LRMDA: variants seen among roughly 807,000 people sequenced by gnomAD.
The protein encoded by LRMDA is leucine rich melanocyte differentiation associated.
Under a neutral mutation model 29.8 loss-of-function variants are expected in LRMDA, and 18 were observed. The observed-to-expected ratio is 0.60, with a 90% CI of 0.42 to 0.90. LRMDA has a LOEUF of 0.90. Among genes scored for constraint, LRMDA ranks in the 40% least tolerant of loss-of-function variants. The probability of loss-of-function intolerance (pLI) is 0.00; values close to 1 mark genes in which losing one functional copy is unlikely to be tolerated. For missense variants in LRMDA, 273 were observed against 273.9 expected, an observed-to-expected ratio of 1.00 and a Z score of 0.02; for synonymous variants, 125 against 109.4, an observed-to-expected ratio of 1.14 and a Z score of -0.89.
intron 2 of LRMDA, among the ~76,000 whole-genome samples, chr10:75,692,215 AAAAAAT>A (rs1180399986): frequency 2.0e-3 from 88 of 43,940 alleles, no homozygotes; most frequent in East Asian, 5.0e-3. Flanking sequence ...GGGGAAAAAA[AAAAAAT>A]ATATATATAT....
rs929285892 is a variant in LRMDA at position 75,628,159 on chromosome 10, C to A, written c.131+189665C>A. ...TGCTGTTATAGATTTTCTTATGTATCTTTCCAATCTTTTTTCTGTGTATTT... is the reference window on the plus strand; with the variant it reads ...TGCTGTTATAGATTTTCTTATGTATATTTCCAATCTTTTTTCTGTGTATTT... On this transcript the variant is annotated intron_variant, in intron 2 of 6. Coordinates refer to ENST00000611255, the MANE Select transcript of LRMDA (RefSeq NM_001305581.2). Among the ~76,000 whole-genome samples, 64 of 152,304 alleles carry A rather than the reference C, an allele frequency of 4.2e-4. 1 individual carries two copies. The highest frequency in any genetic ancestry group is 1.3e-3 in the African/African-American group (56 of 41,562).
chr10:76,465,338 C>T (rs572998180), intron 6 of LRMDA, among the ~76,000 whole-genome samples: 3 of 152,206 alleles, frequency 2.0e-5, no homozygotes, highest in African/African-American at 7.2e-5. Flanking sequence ...ATTGTAAGAC[C>T]TGTGTGTGTC....
rs183778126 is a variant in LRMDA at position 75,535,441 on chromosome 10, G to T, written c.131+96947G>T. 3.7e-3 allele frequency among the ~76,000 whole-genome samples: 558 copies of T among 152,192 alleles called. 6 individuals carry two copies. Among genetic ancestry groups the T allele is most frequent in the African/African-American group, 0.013 (536 of 41,528 alleles). ...TTTATGAAGTGCACTGTCAGCAGCAGCTTAAAGATTTGTTATTCAAGCCAT... is the reference window on the plus strand; with the variant it reads ...TTTATGAAGTGCACTGTCAGCAGCATCTTAAAGATTTGTTATTCAAGCCAT... On this transcript the variant is annotated intron_variant, in intron 2 of 6. Coordinates refer to ENST00000611255, the MANE Select transcript of LRMDA (RefSeq NM_001305581.2).
chr10:75,913,466 A>T lies in LRMDA; in HGVS notation c.132-122542A>T, dbSNP rs370465266. On this transcript the variant is annotated intron_variant, in intron 2 of 6. Transcript: ENST00000611255. ...GCGAGACTCCGTCTTGGGGGGAAAA[A>T]AAATTCTTCTGCCTGAAGTTAATTT... Among the ~76,000 whole-genome samples, 3 of 152,206 alleles carry T rather than the reference A, an allele frequency of 2.0e-5. No homozygotes were observed. In the East Asian group the frequency reaches 5.8e-4, roughly 29 times the overall value.
chr10:76,058,830 G>A, intron 5 of LRMDA, 47 bp downstream of exon 5: 1 of 1,443,428 alleles, frequency 6.9e-7, no homozygotes, highest in African/African-American at 1.4e-5. Context: ...ACATCTCATG[G>A]CAGTGCTTAC....
At chr10:75,897,310 G>A (rs1373722680) in intron 2 of LRMDA, among the ~76,000 whole-genome samples, 2 of 152,172 alleles carry the variant, frequency 1.3e-5, no homozygotes, top group East Asian at 3.8e-4. Context: ...AGTTAATTAG[G>A]CCCTTAACAT....
chr10:75,636,823 C>T (rs1302204464), intron 2 of LRMDA, among the ~76,000 whole-genome samples: 1 of 151,782 alleles, frequency 6.6e-6, no homozygotes, highest in Non-Finnish European at 1.5e-5. Flanking sequence ...CCTTTTTCTT[C>T]TAAGACCAGA....
At chr10:75,793,902 T>C (rs1387726223) in intron 2 of LRMDA, among the ~76,000 whole-genome samples, 2 of 152,344 alleles carry the variant, frequency 1.3e-5, no homozygotes, top group East Asian at 1.9e-4. Flanking sequence ...ATAGAAAATA[T>C]TTTAGGCTTT....
intron 3 of LRMDA, among the ~76,000 whole-genome samples, chr10:76,046,627 G>A (rs1848443281): frequency 6.6e-6 from 1 of 152,102 alleles, no homozygotes; most frequent in African/African-American, 2.4e-5. Context: ...TGGGATTACA[G>A]GCTCCTGCCA....
intron 2 of LRMDA, among the ~76,000 whole-genome samples, chr10:75,737,027 C>T (rs1842771876): frequency 6.6e-6 from 1 of 152,020 alleles, no homozygotes. Context: ...TGTTGTCTCC[C>T]TTCCTTTGTA....
intron 2 of LRMDA, among the ~76,000 whole-genome samples, chr10:75,973,562 G>C (rs922158670): frequency 6.6e-6 from 1 of 152,030 alleles, no homozygotes; most frequent in Non-Finnish European, 1.5e-5. Context: ...GGGATTACAG[G>C]CACCTGCCAC....
chr10:75,548,249 A>G (rs1589178052), intron 2 of LRMDA, among the ~76,000 whole-genome samples: 1 of 152,324 alleles, frequency 6.6e-6, no homozygotes, highest in South Asian at 2.1e-4. Context: ...GCAAGATGGC[A>G]TTTAATATTT....
intron 5 of LRMDA, among the ~76,000 whole-genome samples, chr10:76,176,849 G>A (rs1850945317): frequency 1.3e-5 from 2 of 152,196 alleles, no homozygotes; most frequent in African/African-American, 4.8e-5. Flanking sequence ...GGGGTTACAG[G>A]TAATGTGTAA....
At chr10:76,380,154 T>C (rs1841572109) in intron 6 of LRMDA, among the ~76,000 whole-genome samples, 1 of 152,290 alleles carries the variant, frequency 6.6e-6, no homozygotes, top group Non-Finnish European at 1.5e-5. Context: ...GAATATTCCA[T>C]GCGTAGATGA....
At chr10:76,262,223 A>G (rs1839952841) in intron 5 of LRMDA, among the ~76,000 whole-genome samples, 1 of 152,174 alleles carries the variant, frequency 6.6e-6, no homozygotes. Flanking sequence ...GTGAGACTCC[A>G]TTTCTTAAAG....
At chr10:75,759,165 T>C (rs1472329433) in intron 2 of LRMDA, among the ~76,000 whole-genome samples, 2 of 152,194 alleles carry the variant, frequency 1.3e-5, no homozygotes, top group Admixed American at 1.3e-4. Flanking sequence ...ATTCCGTACA[T>C]GGATACAATC....
chr10:76,543,369 G>T, intron 6 of LRMDA, among the ~76,000 whole-genome samples: 1 of 149,914 alleles, frequency 6.7e-6, no homozygotes, highest in Admixed American at 6.7e-5. Context: ...TGTAGAGAGT[G>T]ATGATAAGAA....
intron 5 of LRMDA, among the ~76,000 whole-genome samples, chr10:76,226,300 A>C (rs1178391056): frequency 6.6e-6 from 1 of 152,064 alleles, no homozygotes; most frequent in Non-Finnish European, 1.5e-5. Flanking sequence ...CCATCAGATC[A>C]GGCCGGGCGT....
intron 2 of LRMDA, among the ~76,000 whole-genome samples, chr10:75,682,241 TC>T (rs1021021641): frequency 2.5e-4 from 38 of 152,330 alleles, no homozygotes; most frequent in African/African-American, 8.9e-4. Context: ...CATCCTGTTT[TC>T]TCTTGGGTTC....
Sources: gnomAD v4.1 joint callset for allele counts (sites outside exome capture counted in the v4.1 genomes callset) on GRCh38, gnomAD v4.1.1 for gene constraint, MANE v1.5 for transcripts, NCBI Gene and HGNC (gene_info 2026-07-23, HGNC 2026-07-21) for gene names.